The following KCNIP4 variants were observed in gnomAD, a reference collection of about 807,000 sequenced individuals.
KCNIP4 encodes Kv channel-interacting protein 4.
Under a neutral mutation model 34.0 loss-of-function variants are expected in KCNIP4, and 12 were observed. The observed-to-expected ratio is 0.35, with a 90% CI of 0.23 to 0.57. The LOEUF (loss-of-function observed/expected upper bound fraction) is 0.57. Among genes scored for constraint, KCNIP4 ranks in the 20% least tolerant of loss-of-function variants. The pLI is 0.83. For missense variants in KCNIP4, 238 were observed against 311.7 expected, an observed-to-expected ratio of 0.76 and a Z score of 1.78; for synonymous variants, 124 against 102.2, an observed-to-expected ratio of 1.21 and a Z score of -1.29.
intron 1 of KCNIP4, among the ~76,000 whole-genome samples, chr4:21,000,082 C>T (rs955310208): frequency 3.3e-5 from 5 of 152,244 alleles, no homozygotes; most frequent in South Asian, 2.1e-4. Context: ...ACCCTTCCTA[C>T]GTCCCTTGTC....
chr4:21,867,129 TTAAGTA>T (rs1725483560), intron 1 of KCNIP4, among the ~76,000 whole-genome samples: 1 of 152,174 alleles, frequency 6.6e-6, no homozygotes, highest in Non-Finnish European at 1.5e-5. Flanking sequence ...AGAATTAAAT[TTAAGTA>T]TGTGTCTTTC....
intron 1 of KCNIP4, among the ~76,000 whole-genome samples, chr4:21,817,314 T>C (rs1722045902): frequency 6.6e-6 from 1 of 152,198 alleles, no homozygotes; most frequent in African/African-American, 2.4e-5. Context: ...GTCTTTAATC[T>C]CTTAATCCTG....
chr4:21,011,114 A>G (rs991606965), intron 1 of KCNIP4, among the ~76,000 whole-genome samples: 2 of 152,252 alleles, frequency 1.3e-5, no homozygotes, highest in African/African-American at 2.4e-5. Flanking sequence ...GGGGGCAGTG[A>G]GAGAGGAGGA....
intron 1 of KCNIP4, among the ~76,000 whole-genome samples, chr4:21,791,988 G>A (rs1720312424): frequency 1.0e-5 from 1 of 97,866 alleles, no homozygotes; most frequent in Non-Finnish European, 1.8e-5. Context: ...GTGACAGAAT[G>A]AGACTCCGTC....
At chr4:21,042,234 T>C (rs996879030) in intron 1 of KCNIP4, among the ~76,000 whole-genome samples, 1 of 152,160 alleles carries the variant, frequency 6.6e-6, no homozygotes, top group Non-Finnish European at 1.5e-5. Context: ...GAAAATACAC[T>C]CCTATGTTAA....
At chr4:20,895,879 T>C (rs142011612) in intron 1 of KCNIP4, among the ~76,000 whole-genome samples, 31 of 152,356 alleles carry the variant, frequency 2.0e-4, no homozygotes, top group Non-Finnish European at 4.1e-4. Flanking sequence ...TGAGAACCAC[T>C]GTTCTGCTTT....
chr4:20,802,099 G>A (rs1216966863), intron 3 of KCNIP4, among the ~76,000 whole-genome samples: 2 of 120,386 alleles, frequency 1.7e-5, no homozygotes, highest in Non-Finnish European at 3.3e-5. Flanking sequence ...TATACATATT[G>A]CATATATATA....
intron 1 of KCNIP4, among the ~76,000 whole-genome samples, chr4:21,206,339 T>A (rs1221857100): frequency 1.3e-5 from 2 of 152,206 alleles, no homozygotes; most frequent in South Asian, 4.1e-4. Context: ...TCCAAATTAG[T>A]CATACTAAGT....
chr4:21,004,730 A>T (rs1020709014), intron 1 of KCNIP4, among the ~76,000 whole-genome samples: 2 of 152,302 alleles, frequency 1.3e-5, no homozygotes, highest in South Asian at 4.1e-4. Flanking sequence ...GTTCCACGGA[A>T]GTCAAAAGTG....
At chr4:21,348,537 C>G (rs1000094988) in intron 1 of KCNIP4, among the ~76,000 whole-genome samples, 1 of 152,162 alleles carries the variant, frequency 6.6e-6, no homozygotes, top group Non-Finnish European at 1.5e-5. Context: ...TACAACATAA[C>G]AGTCTCCCCC....
intron 1 of KCNIP4, among the ~76,000 whole-genome samples, chr4:21,332,442 G>A (rs1715752257): frequency 6.6e-6 from 1 of 151,944 alleles, no homozygotes; most frequent in African/African-American, 2.4e-5. Flanking sequence ...GACCAGTTAT[G>A]TCCCATGGAA....
intron 1 of KCNIP4, among the ~76,000 whole-genome samples, chr4:21,404,850 T>C (rs1723836615): frequency 6.6e-6 from 1 of 152,218 alleles, no homozygotes; most frequent in Non-Finnish European, 1.5e-5. Context: ...AACTACACTA[T>C]GACATTAGTT....
intron 1 of KCNIP4, among the ~76,000 whole-genome samples, chr4:21,746,648 C>A (rs1716799280): frequency 6.6e-6 from 1 of 151,660 alleles, no homozygotes; most frequent in African/African-American, 2.4e-5. Flanking sequence ...GATATCTTTA[C>A]TAAAATATTA....
chr4:20,770,405 T>A (rs1254228400), intron 3 of KCNIP4, among the ~76,000 whole-genome samples: 1 of 152,040 alleles, frequency 6.6e-6, no homozygotes. Flanking sequence ...CAGAAATAAA[T>A]TTTTTTAGAT....
chr4:21,447,142 G>T (rs375595774), intron 1 of KCNIP4, among the ~76,000 whole-genome samples: 6 of 152,254 alleles, frequency 3.9e-5, no homozygotes, highest in African/African-American at 1.4e-4. Flanking sequence ...TGTCATATAT[G>T]CATCTACATC....
chr4:21,714,787 T>TA (rs147076758), intron 1 of KCNIP4, among the ~76,000 whole-genome samples: 2 of 12,022 alleles, frequency 1.7e-4, no homozygotes, highest in East Asian at 1.9e-3. Flanking sequence ...TTCCCTTTGA[T>TA]TATTTTATTT....
At chr4:21,301,282 C>T (rs931857191) in intron 1 of KCNIP4, among the ~76,000 whole-genome samples, 1 of 152,092 alleles carries the variant, frequency 6.6e-6, no homozygotes, top group Non-Finnish European at 1.5e-5. Context: ...ATAACAACTA[C>T]ATTATACAAA....
intron 1 of KCNIP4, among the ~76,000 whole-genome samples, chr4:20,965,379 A>G (rs899607063): frequency 4.6e-5 from 7 of 152,152 alleles, no homozygotes; most frequent in African/African-American, 1.7e-4. Flanking sequence ...CACTGACACC[A>G]TTTATAATGA....
At chr4:21,049,950 G>A (rs1240253106) in intron 1 of KCNIP4, among the ~76,000 whole-genome samples, 1 of 152,154 alleles carries the variant, frequency 6.6e-6, no homozygotes, top group South Asian at 2.1e-4. Flanking sequence ...TGACTCTCAT[G>A]CATCTTGCAG....
Sources: allele counts gnomAD v4.1 joint callset (sites outside exome capture counted in the v4.1 genomes callset), GRCh38; gene constraint gnomAD v4.1.1; transcripts MANE v1.5; gene names NCBI Gene and HGNC (gene_info 2026-07-23, HGNC 2026-07-21).